Variants in LRP12 observed in about 807,000 individuals in gnomAD.
LRP12 encodes the protein low-density lipoprotein receptor-related protein 12.
Under a neutral mutation model 66.0 loss-of-function variants are expected in LRP12, and 14 were observed. The observed-to-expected ratio is 0.21, with a 90% CI of 0.14 to 0.33. The LOEUF is 0.33. Ranked by LOEUF, LRP12 falls within the 10% of genes least tolerant of loss-of-function variation. The pLI, the probability that LRP12 is intolerant of heterozygous loss-of-function variation, is 1.00. For missense variants in LRP12, 889 were observed against 1,053.4 expected (o/e 0.84, Z 2.16); for synonymous variants, 357 against 359.1 (o/e 0.99, Z 0.07).
At chr8:104,538,899 C>T (rs1438572218) in intron 1 of LRP12, among the ~76,000 whole-genome samples, 3 of 152,076 alleles carry the variant, frequency 2.0e-5, no homozygotes, top group Admixed American at 6.6e-5. Context: ...ATGTGGCTGA[C>T]GGCTACTGTA....
intron 3 of LRP12, chr8:104,506,983 A>G (rs1286382749): frequency 1.3e-5 from 2 of 152,118 alleles, no homozygotes; most frequent in Non-Finnish European, 2.9e-5. Context: ...TTTTTTACCA[A>G]GATGCTTCAA....
chr8:104,518,676 A>G (rs1188940474), intron 2 of LRP12, among the ~76,000 whole-genome samples: 1 of 152,146 alleles, frequency 6.6e-6, no homozygotes. Flanking sequence ...CACATTATCT[A>G]AGAACTACAG....
chr8:104,584,630 G>C (rs751226996), intron 1 of LRP12, among the ~76,000 whole-genome samples: 1 of 147,748 alleles, frequency 6.8e-6, no homozygotes, highest in Non-Finnish European at 1.5e-5. Context: ...CTAGAATACA[G>C]TTAACAGTGC....
At chr8:104,535,801 C>A (rs1172918344) in intron 1 of LRP12, among the ~76,000 whole-genome samples, 2 of 151,988 alleles carry the variant, frequency 1.3e-5, no homozygotes, top group Non-Finnish European at 2.9e-5. Flanking sequence ...CTAATTCCCA[C>A]ATTAAAAAGT....
chr8:104,547,255 TATC>T (rs1453000072), intron 1 of LRP12, among the ~76,000 whole-genome samples: 2 of 139,414 alleles, frequency 1.4e-5, no homozygotes, highest in Non-Finnish European at 3.0e-5. Flanking sequence ...AATTCTGTTA[TATC>T]ATATTTTGTA....
At chr8:104,544,079 C>A (rs1811519073) in intron 1 of LRP12, among the ~76,000 whole-genome samples, 1 of 152,090 alleles carries the variant, frequency 6.6e-6, no homozygotes, top group South Asian at 2.1e-4. Flanking sequence ...AGTGAAAACA[C>A]AAATGATAAG....
chr8:104,531,677 A>G (rs927670343), intron 2 of LRP12, among the ~76,000 whole-genome samples: 4 of 152,140 alleles, frequency 2.6e-5, no homozygotes, highest in Admixed American at 6.6e-5. Flanking sequence ...TGTATGAAAA[A>G]ATAATTATGC....
chr8:104,514,675 CA>C (rs554164298), intron 2 of LRP12, among the ~76,000 whole-genome samples: 13 of 151,090 alleles, frequency 8.6e-5, no homozygotes, highest in South Asian at 4.2e-4. Context: ...GACTTTGTCT[CA>C]AAAAAAATGA....
At chr8:104,521,184 T>C (rs565183251) in intron 2 of LRP12, among the ~76,000 whole-genome samples, 1 of 152,034 alleles carries the variant, frequency 6.6e-6, no homozygotes, top group African/African-American at 2.4e-5. Flanking sequence ...TAGTTGAGCA[T>C]CCCAAAACCA....
intron 1 of LRP12, among the ~76,000 whole-genome samples, chr8:104,551,731 C>T (rs1180829220): frequency 6.6e-6 from 1 of 152,048 alleles, no homozygotes; most frequent in Non-Finnish European, 1.5e-5. Flanking sequence ...ACATATGTAC[C>T]ACATTTTAAC....
intron 3 of LRP12, 111 bp downstream of exon 3, chr8:104,508,827 AC>A: frequency 1.1e-6 from 1 of 924,698 alleles, no homozygotes; most frequent in South Asian, 2.0e-5. Context: ...GTTCTTTATT[AC>A]ATCTCCTGAA....
chr8:104,572,511 C>T (rs1160001952), intron 1 of LRP12, among the ~76,000 whole-genome samples: 1 of 152,034 alleles, frequency 6.6e-6, no homozygotes, highest in Non-Finnish European at 1.5e-5. Flanking sequence ...GAAAGCAGTA[C>T]AGCATGAAAC....
rs368757368 is a variant in LRP12 at position 104,497,636 on chromosome 8, G to C, written c.916C>G (p.Leu306Val). 2 of 1,614,100 alleles carry C rather than the reference G, an allele frequency of 1.2e-6. No homozygotes were observed. The highest frequency in any genetic ancestry group is 1.7e-6 in the Non-Finnish European group (2 of 1,180,000). Residue 306 changes from leucine to valine, a missense_variant, in exon 5 of 7, where the codon CTT becomes GTT. Leu to Val is a conservative substitution (Grantham distance 32). Around this residue, in one of 3 missense-constraint regions of LRP12, gnomAD observed 800 missense variants for 964.5 expected, o/e 0.83. Coordinates refer to ENST00000276654, the MANE Select transcript of LRP12 (RefSeq NM_013437.5). This position sits in a 1 kb window ranked among gnomAD's most constrained non-coding sequence, Gnocchi z 4.3. ...KVILRFTDFK[L>V]DGTGYGDYVK... is the part of the protein sequence containing the mutation. ...TAATCACCATAACCAGTACCATCAA[G>C]TTTAAAGTCAGTGAAGCGTAAAATG...
intron 5 of LRP12, chr8:104,495,921 CA>C (rs1810716976): frequency 8.0e-6 from 1 of 124,260 alleles, no homozygotes; most frequent in Admixed American, 8.4e-5. Flanking sequence ...CTCCCGTCTC[CA>C]AACAAACAAC....
intron 2 of LRP12, among the ~76,000 whole-genome samples, chr8:104,524,917 T>C (rs151041217): frequency 0.04 from 6,151 of 152,160 alleles, 189 homozygotes; most frequent in South Asian, 0.075. Flanking sequence ...AGATATATTT[T>C]AAAAAATCAA....
At chr8:104,530,204 T>C (rs1230312847) in intron 2 of LRP12, among the ~76,000 whole-genome samples, 1 of 152,196 alleles carries the variant, frequency 6.6e-6, no homozygotes, top group Admixed American at 6.5e-5. Flanking sequence ...ATAGTAAATA[T>C]TGGTAGCTGT....
At position 104,497,122 on chromosome 8, in the gene LRP12, CCA is replaced by C; in HGVS notation, c.1428_1429del (p.Cys476TrpfsTer2). 6.2e-7 allele frequency: 1 copy of C among 1,613,432 alleles called. No homozygotes were observed. The highest frequency in any genetic ancestry group is 8.5e-7 in the Non-Finnish European group (1 of 1,179,622). ...GCAATTTTCTTCATCGCTGCCATCACCACAGTCATCTTGAGAATCACACACCC... is the reference window on the plus strand; with the variant it reads ...GCAATTTTCTTCATCGCTGCCATCACCAGTCATCTTGAGAATCACACACCC... On this transcript the variant is annotated frameshift_variant, in exon 5 of 7. Transcript: ENST00000276654. LOFTEE classifies it high-confidence loss of function. This position sits in a 1 kb window ranked among gnomAD's most constrained non-coding sequence, Gnocchi z 4.3.
intron 1 of LRP12, among the ~76,000 whole-genome samples, chr8:104,564,310 T>C (rs1311349021): frequency 6.6e-6 from 1 of 152,218 alleles, no homozygotes; most frequent in Non-Finnish European, 1.5e-5. Context: ...ATTTGGTATC[T>C]GGCACAGGCC....
chr8:104,531,396 T>TA (rs545877677), intron 2 of LRP12, among the ~76,000 whole-genome samples: 3 of 152,182 alleles, frequency 2.0e-5, no homozygotes, highest in East Asian at 1.9e-4. Flanking sequence ...TAGATGAGTA[T>TA]AAAAAATACA....
Sources: allele counts gnomAD v4.1 joint callset (sites outside exome capture counted in the v4.1 genomes callset), GRCh38; gene constraint gnomAD v4.1.1; regional missense constraint gnomAD v4.1.1; non-coding constraint Gnocchi (gnomAD v3.1); transcripts MANE v1.5; gene names NCBI Gene and HGNC (gene_info 2026-07-23, HGNC 2026-07-21).